Variants in ADRA1B observed in about 807,000 individuals in gnomAD.
ADRA1B encodes the protein adrenoceptor alpha 1B, also known as alpha-1B adrenergic receptor.
ADRA1B carries 17 observed loss-of-function variants against 17.9 expected under a neutral mutation model. The ratio of observed to expected loss-of-function variants is 0.95; its 90% CI spans 0.65 to 1.42. ADRA1B has a LOEUF of 1.42. ADRA1B is among the 40% of genes most tolerant of loss of function. The pLI is 0.00. For synonymous variants in ADRA1B, 366 were observed against 327.6 expected, an observed-to-expected ratio of 1.12 and a Z score of -1.27; for missense variants, 681 against 722.1, an observed-to-expected ratio of 0.94 and a Z score of 0.65.
At chr5:159,927,164 G>C (rs1335696738) in intron 1 of ADRA1B, among the ~76,000 whole-genome samples, 1 of 152,088 alleles carries the variant, frequency 6.6e-6, no homozygotes, top group Non-Finnish European at 1.5e-5. Flanking sequence ...ACCTGCCTCT[G>C]GGGGAGATTG....
chr5:159,923,113 G>A (rs961660963), intron 1 of ADRA1B, among the ~76,000 whole-genome samples: 29 of 152,390 alleles, frequency 1.9e-4, no homozygotes, highest in Middle Eastern at 6.8e-3. Flanking sequence ...GCCAGAGAGA[G>A]TGGAGAACTA....
intron 1 of ADRA1B, among the ~76,000 whole-genome samples, chr5:159,898,370 C>A (rs1026141105): frequency 4.6e-5 from 7 of 152,238 alleles, no homozygotes; most frequent in Non-Finnish European, 1.0e-4. Flanking sequence ...ATTTTAGCAG[C>A]TTCTGGATCA....
At chr5:159,969,396 C>G (rs1755828897) in intron 1 of ADRA1B, among the ~76,000 whole-genome samples, 1 of 152,126 alleles carries the variant, frequency 6.6e-6, no homozygotes, top group Non-Finnish European at 1.5e-5. Context: ...AGGTTTGAAA[C>G]AGGCCAAATC....
intron 1 of ADRA1B, chr5:159,869,333 T>G (rs1235390259): frequency 6.6e-6 from 1 of 152,204 alleles, no homozygotes; most frequent in African/African-American, 2.4e-5. Flanking sequence ...AGCTGGAACA[T>G]AGGCTGTCAT....
intron 1 of ADRA1B, among the ~76,000 whole-genome samples, chr5:159,938,616 A>C (rs1755019919): frequency 6.6e-6 from 1 of 152,256 alleles, no homozygotes; most frequent in Admixed American, 6.5e-5. Flanking sequence ...CAATGCAAAA[A>C]AAGAAGTGAA....
At chr5:159,883,819 G>C (rs1208481154) in intron 1 of ADRA1B, among the ~76,000 whole-genome samples, 3 of 152,248 alleles carry the variant, frequency 2.0e-5, no homozygotes, top group East Asian at 1.9e-4. Context: ...TGGTTCTTGA[G>C]AGAACTCCCA....
chr5:159,932,017 CTG>C (rs1754819593), intron 1 of ADRA1B, among the ~76,000 whole-genome samples: 2 of 152,216 alleles, frequency 1.3e-5, no homozygotes, highest in South Asian at 2.1e-4. Flanking sequence ...GCAGAATTTT[CTG>C]TGTGTGTTGT....
rs1176708648 is a variant in ADRA1B, at chr5:159,950,783, C to T, written c.950-21096C>T. 10 of 607,602 alleles carry T rather than the reference C, an allele frequency of 1.6e-5. 1 individual carries two copies. Among genetic ancestry groups the T allele is most frequent in the South Asian group, 9.0e-5 (5 of 55,428 alleles). 37.6% of individuals were successfully genotyped at this position (607,602 alleles called of 1,614,324 possible). A position where few individuals can be genotyped will look rare whatever the true frequency, so the allele number is the denominator to read the frequency against. On this transcript the variant is annotated intron_variant, in intron 1 of 1. Coordinates refer to ENST00000306675, the MANE Select transcript of ADRA1B (RefSeq NM_000679.4). Reference sequence around the variant, plus strand: ...CGGCAGGTGAGGTCCATGACTGACACGTTGGTGATGTGGACACAGAAGCCC... The same window carrying T: ...CGGCAGGTGAGGTCCATGACTGACATGTTGGTGATGTGGACACAGAAGCCC...
chr5:159,956,942 G>A (rs1298104772), intron 1 of ADRA1B, among the ~76,000 whole-genome samples: 7 of 151,836 alleles, frequency 4.6e-5, no homozygotes, highest in African/African-American at 9.7e-5. Flanking sequence ...GTGCAATCTC[G>A]GCTCACTGCC....
At chr5:159,933,502 G>T (rs1265001858) in intron 1 of ADRA1B, among the ~76,000 whole-genome samples, 2 of 152,216 alleles carry the variant, frequency 1.3e-5, no homozygotes, top group African/African-American at 2.4e-5. Flanking sequence ...GGCACAAGAA[G>T]TTTCAGGCAT....
At chr5:159,977,617 A>C (rs1322495691), downstream of ADRA1B, among the ~76,000 whole-genome samples, 2 of 152,166 alleles carry the variant, frequency 1.3e-5, no homozygotes, top group Admixed American at 6.5e-5. Flanking sequence ...CAAGAATTTG[A>C]CACTTTTTTC....
chr5:159,915,699 C>T (rs981119202), upstream of ADRA1B, among the ~76,000 whole-genome samples: 1 of 152,206 alleles, frequency 6.6e-6, no homozygotes, highest in Admixed American at 6.5e-5. Flanking sequence ...ACATCCCAAG[C>T]ACCCACTTAA....
the ADRA1B span, among the ~76,000 whole-genome samples, chr5:159,988,531 C>T: frequency 1.3e-5 from 2 of 152,218 alleles, no homozygotes; most frequent in African/African-American, 4.8e-5. Flanking sequence ...ATCACTGGCC[C>T]TTCCCCTCTC....
chr5:159,946,672 C>A (rs1188214964), intron 1 of ADRA1B, among the ~76,000 whole-genome samples: 1 of 152,220 alleles, frequency 6.6e-6, no homozygotes, highest in African/African-American at 2.4e-5. Context: ...ATTTTGTATT[C>A]TGTGATGTAT....
intron 1 of ADRA1B, among the ~76,000 whole-genome samples, chr5:159,925,764 T>C (rs1176300803): frequency 2.6e-5 from 4 of 152,208 alleles, no homozygotes; most frequent in Non-Finnish European, 5.9e-5. Context: ...CTTAGCTGGT[T>C]CCCAAAAACG....
At chr5:159,961,818 C>G (rs1306775156) in intron 1 of ADRA1B, among the ~76,000 whole-genome samples, 1 of 152,194 alleles carries the variant, frequency 6.6e-6, no homozygotes, top group Non-Finnish European at 1.5e-5. Flanking sequence ...TAGAAACCAC[C>G]CAGCCCATGG....
intron 1 of ADRA1B, among the ~76,000 whole-genome samples, chr5:159,900,532 T>C (rs1754090237): frequency 6.6e-6 from 1 of 152,256 alleles, no homozygotes; most frequent in South Asian, 2.1e-4. Context: ...CATGCTGGCA[T>C]GTAGCAAGCC....
In ADRA1B at chr5:159,907,286, G is replaced by A. The variant is rs564630999; in HGVS notation, c.-255-8833G>A. Among the ~76,000 whole-genome samples, 32 of 152,236 alleles carry A rather than the reference G, an allele frequency of 2.1e-4. No individual in the cohort carries two copies. In the South Asian group the frequency reaches 3.7e-3, roughly 18 times the overall value. ...CTGTGGATAGAAATATTTCCAACAA[G>A]CCCTGGCTCTCTGGATATGGCAATT... is the stretch of plus-strand genomic sequence containing the variant. On this transcript the variant is annotated intron_variant, in intron 1 of 2. Coordinates refer to the ADRA1B transcript ENST00000641205.
intron 1 of ADRA1B, among the ~76,000 whole-genome samples, chr5:159,961,811 A>C (rs760276802): frequency 6.6e-6 from 1 of 152,246 alleles, no homozygotes; most frequent in Non-Finnish European, 1.5e-5. Flanking sequence ...GGGATGTTAG[A>C]AACCACCCAG....
Sources: gnomAD v4.1 joint callset for allele counts (sites outside exome capture counted in the v4.1 genomes callset) on GRCh38, gnomAD v4.1.1 for gene constraint, MANE v1.5 for transcripts, NCBI Gene and HGNC (gene_info 2026-07-23, HGNC 2026-07-21) for gene names.